Variants in MS4A5 observed in about 807,000 individuals in gnomAD.
MS4A5 encodes the protein membrane-spanning 4-domains subfamily A member 5.
Under a neutral mutation model 18.2 loss-of-function variants are expected in MS4A5, and 15 were observed. That is an observed-to-expected ratio of 0.83 (90% confidence interval 0.55 to 1.27). MS4A5 has a LOEUF of 1.27. MS4A5 is among the 50% of genes most tolerant of loss of function. The pLI is 0.00. For synonymous variants in MS4A5, 89 were observed against 78.7 expected, an observed-to-expected ratio of 1.13 and a Z score of -0.69; for missense variants, 232 against 225.7, an observed-to-expected ratio of 1.03 and a Z score of -0.18.
At chr11:60,435,281 G>T (rs1162304169) in intron 4 of MS4A5, 4 of 408,260 alleles carry the variant, frequency 9.8e-6, no homozygotes, top group South Asian at 3.6e-5. Flanking sequence ...GGCCTAAAAA[G>T]AAATAAGACA....
At chr11:60,447,527 A>G in intron 4 of MS4A5, 122 bp from the exon 5 acceptor site, 1 of 609,006 alleles carries the variant, frequency 1.6e-6, no homozygotes, top group East Asian at 2.8e-5. Flanking sequence ...AGCATCAGAT[A>G]CACTTGAGAT....
chr11:60,437,319 T>C (rs1159575670), intron 4 of MS4A5, among the ~76,000 whole-genome samples: 2 of 149,984 alleles, frequency 1.3e-5, no homozygotes, highest in African/African-American at 2.4e-5. Context: ...TGCAAAATCA[T>C]GCCAAAATGT....
chr11:60,443,068 G>A (rs2086122264), intron 4 of MS4A5, among the ~76,000 whole-genome samples: 1 of 152,136 alleles, frequency 6.6e-6, no homozygotes, highest in Non-Finnish European at 1.5e-5. Flanking sequence ...TTGAACCTGG[G>A]AGGCGGAAGT....
chr11:60,436,728 A>G (rs1291723370), intron 4 of MS4A5, among the ~76,000 whole-genome samples: 1 of 134,876 alleles, frequency 7.4e-6, no homozygotes, highest in African/African-American at 2.6e-5. Flanking sequence ...GAGAAAAAAG[A>G]ATAAAAAGAA....
rs757892519 is a variant in MS4A5 at position 60,433,780 on chromosome 11, A to G, written c.355A>G (p.Ile119Val). Reference sequence around the variant, plus strand: ...TCTATTTCAGATAATATTGAGCCGAATAATGAATTTTCTTAGTGCCCTGGG... The same window carrying G: ...TCTATTTCAGATAATATTGAGCCGAGTAATGAATTTTCTTAGTGCCCTGGG... ...TTETLIILSR[I>V]MNFLSALGAI... is the part of the protein sequence containing the mutation. Residue 119 changes from isoleucine (I) to valine (V), a missense_variant, in exon 4 of 5, where the codon ATA becomes GTA. By Grantham distance (29) the Ile-to-Val change is conservative. Transcript: ENST00000300190. 1.9e-6 allele frequency: 3 copies of G among 1,614,018 alleles called. No individual in the cohort carries two copies. The highest frequency in any genetic ancestry group is 2.5e-6 in the Non-Finnish European group (3 of 1,179,836).
intron 4 of MS4A5, among the ~76,000 whole-genome samples, chr11:60,436,517 A>T (rs1590832357): frequency 7.4e-6 from 1 of 135,946 alleles, no homozygotes; most frequent in African/African-American, 2.5e-5. Flanking sequence ...GAGGTTGAAA[A>T]CTTTGAAAAA....
At chr11:60,442,085 A>G (rs1186831498) in intron 4 of MS4A5, among the ~76,000 whole-genome samples, 1 of 152,240 alleles carries the variant, frequency 6.6e-6, no homozygotes, top group East Asian at 1.9e-4. Context: ...CCATAAAATT[A>G]CAGAATTTTG....
At chr11:60,435,797 G>C (rs1043556496) in intron 4 of MS4A5, among the ~76,000 whole-genome samples, 1 of 151,916 alleles carries the variant, frequency 6.6e-6, no homozygotes. Context: ...ACGGAGTCTC[G>C]CTGATTGCTA....
intron 4 of MS4A5, among the ~76,000 whole-genome samples, chr11:60,437,999 C>CCA (rs2086090327): frequency 6.6e-6 from 1 of 152,092 alleles, no homozygotes; most frequent in Non-Finnish European, 1.5e-5. Flanking sequence ...CACACCTATT[C>CCA]CAAAATTGAC....
intron 2 of MS4A5, 72 bp from the exon 3 acceptor site, chr11:60,432,339 A>G (rs1833756637): frequency 2.1e-6 from 2 of 968,998 alleles, no homozygotes; most frequent in Non-Finnish European, 3.1e-6. Flanking sequence ...AGAAATGCAT[A>G]GAGGTCTATT....
Position 60,429,595 on chromosome 11 carries a change from GC to G in MS4A5, c.-78del. On this transcript the variant is annotated 5_prime_UTR_variant, in exon 1 of 5. Transcript: ENST00000300190. Reference sequence around the variant, plus strand: ...GCAAACAATTCCAGTGCTCCAGGCAGCCTCAGCACAAGAAAAGAACATGGTC... The same window carrying G: ...GCAAACAATTCCAGTGCTCCAGGCAGCTCAGCACAAGAAAAGAACATGGTC... 1.5e-6 allele frequency: 2 copies of G among 1,350,208 alleles called. No individual in the cohort carries two copies. The highest frequency in any genetic ancestry group is 2.0e-6 in the Non-Finnish European group (2 of 990,216). 83.6% of individuals were successfully genotyped at this position (1,350,208 alleles called of 1,614,324 possible).
At chr11:60,433,638 C>A in intron 3 of MS4A5, 127 bp from the exon 4 acceptor site, 1 of 846,744 alleles carries the variant, frequency 1.2e-6, no homozygotes, top group Non-Finnish European at 1.9e-6. Flanking sequence ...CGCACAGGAT[C>A]ACAGAGCTGC....
At chr11:60,443,689 A>T (rs2086125453) in intron 4 of MS4A5, among the ~76,000 whole-genome samples, 1 of 152,070 alleles carries the variant, frequency 6.6e-6, no homozygotes, top group Admixed American at 6.5e-5. Flanking sequence ...AAATAAAGCT[A>T]AAATATGGAT....
At chr11:60,430,949 T>C (rs369215650) in intron 2 of MS4A5, 25 bp downstream of exon 2, 6 of 1,597,138 alleles carry the variant, frequency 3.8e-6, no homozygotes, top group Non-Finnish European at 5.1e-6. Flanking sequence ...TCAAGTTCAA[T>C]TTGAAGCCAT....
intron 4 of MS4A5, among the ~76,000 whole-genome samples, chr11:60,434,604 G>C (rs1190823380): frequency 6.6e-6 from 1 of 152,150 alleles, no homozygotes; most frequent in African/African-American, 2.4e-5. Context: ...GTTAAGTATG[G>C]CTATGTGGAT....
At chr11:60,437,934 C>T (rs1326911994) in intron 4 of MS4A5, among the ~76,000 whole-genome samples, 3 of 152,146 alleles carry the variant, frequency 2.0e-5, no homozygotes, top group Non-Finnish European at 4.4e-5. Flanking sequence ...TAATAGACAT[C>T]TACAGAACTC....
chr11:60,435,847 G>T (rs965772745), intron 4 of MS4A5, among the ~76,000 whole-genome samples: 3 of 152,040 alleles, frequency 2.0e-5, no homozygotes, highest in Non-Finnish European at 2.9e-5. Flanking sequence ...CGGCAGCAAG[G>T]CTGGGGGAGG....
chr11:60,432,483 A>G lies in MS4A5; in HGVS notation c.339+16A>G. 6.6e-7 allele frequency: 1 copy of G among 1,506,814 alleles called. No homozygotes were observed. The highest frequency in any genetic ancestry group is 9.1e-7 in the Non-Finnish European group (1 of 1,093,494). The allele number at this position is 1,506,814 out of a possible 1,614,324, so 93.3% of individuals were successfully genotyped here. The stretch of plus-strand genomic sequence containing the variant: ...AGAAACTCTGGTGAGTTATATTCTT[A>G]CTTTATTAAAAATATATTTTGTAGC... On this transcript the variant is annotated intron_variant, in intron 3 of 4. Coordinates refer to ENST00000300190, the MANE Select transcript of MS4A5 (RefSeq NM_023945.3).
At chr11:60,430,708 A>T in intron 1 of MS4A5, 88 bp from the exon 2 acceptor site, 1 of 1,501,220 alleles carries the variant, frequency 6.7e-7, no homozygotes, top group Admixed American at 2.0e-5. Context: ...GTAATTGCCA[A>T]ATCCTTTTGA....
Sources: gnomAD v4.1 joint callset for allele counts (sites outside exome capture counted in the v4.1 genomes callset) on GRCh38, gnomAD v4.1.1 for gene constraint, MANE v1.5 for transcripts, NCBI Gene and HGNC (gene_info 2026-07-23, HGNC 2026-07-21) for gene names.